The following GPHN variants were observed in gnomAD, a reference collection of about 807,000 sequenced individuals.
The protein encoded by GPHN is gephyrin.
Under a neutral mutation model 95.5 loss-of-function variants are expected in GPHN, and 17 were observed. The ratio of observed to expected loss-of-function variants is 0.18; its 90% CI spans 0.12 to 0.27. The LOEUF (loss-of-function observed/expected upper bound fraction) is 0.27, where lower values mean the gene tolerates loss of function less well. Among genes scored for constraint, GPHN ranks in the 10% least tolerant of loss-of-function variants. GPHN has a pLI of 1.00. For missense variants in GPHN, 660 were observed against 978.1 expected, an observed-to-expected ratio of 0.67 and a Z score of 4.34; for synonymous variants, 320 against 322.5, an observed-to-expected ratio of 0.99 and a Z score of 0.08.
intron 2 of GPHN, among the ~76,000 whole-genome samples, chr14:66,733,583 T>TC (rs1248616576): frequency 6.6e-6 from 1 of 152,208 alleles, no homozygotes; most frequent in African/African-American, 2.4e-5. Context: ...GATCTACTGA[T>TC]TATCCACTTT....
At chr14:66,543,919 T>G (rs1282285154) in intron 1 of GPHN, among the ~76,000 whole-genome samples, 1 of 152,176 alleles carries the variant, frequency 6.6e-6, no homozygotes, top group Non-Finnish European at 1.5e-5. Flanking sequence ...GCCTGAGTGA[T>G]CCCTTCAAAA....
At chr14:67,575,364 A>G in the GPHN span, 1 of 1,424,166 alleles carries the variant, frequency 7.0e-7, no homozygotes, top group Non-Finnish European at 9.8e-7. Flanking sequence ...CCTAGTTCTC[A>G]TAATGCCAGT....
chr14:67,164,825 C>T (rs955946140), intron 19 of GPHN, among the ~76,000 whole-genome samples: 8 of 151,274 alleles, frequency 5.3e-5, no homozygotes, highest in Non-Finnish European at 8.8e-5. Context: ...TGTTGTAAAT[C>T]GCCAGCAAAA....
At chr14:67,143,726 A>G (rs1446192243) in intron 18 of GPHN, among the ~76,000 whole-genome samples, 1 of 152,096 alleles carries the variant, frequency 6.6e-6, no homozygotes, top group Non-Finnish European at 1.5e-5. Context: ...CTATTTTACT[A>G]CATTAGGACA....
the GPHN span, among the ~76,000 whole-genome samples, chr14:67,316,068 C>G: frequency 6.6e-6 from 1 of 152,156 alleles, no homozygotes; most frequent in Non-Finnish European, 1.5e-5. Flanking sequence ...TTAAGAATCT[C>G]TGGCTTTACA....
At chr14:67,014,725 T>G (rs1320279116) in intron 9 of GPHN, among the ~76,000 whole-genome samples, 3 of 152,346 alleles carry the variant, frequency 2.0e-5, no homozygotes, top group African/African-American at 7.2e-5. Context: ...AATCAGTTAT[T>G]CATCTTAAGA....
chr14:66,957,385 G>C (rs2068594126), intron 8 of GPHN, among the ~76,000 whole-genome samples: 1 of 151,536 alleles, frequency 6.6e-6, no homozygotes, highest in African/African-American at 2.4e-5. Context: ...TAGTAGAGAT[G>C]GGGTTTTGCC....
chr14:67,657,767 T>C, the GPHN span, among the ~76,000 whole-genome samples: 4 of 7,796 alleles, frequency 5.1e-4, no homozygotes, highest in Non-Finnish European at 0.025. Context: ...TTTTTTTTTT[T>C]TGAGACAGTC....
chr14:67,118,113 G>T (rs184095308), intron 16 of GPHN, among the ~76,000 whole-genome samples: 1,829 of 152,260 alleles, frequency 0.012, 18 homozygotes, highest in Non-Finnish European at 0.018. Context: ...GTTCTTACCT[G>T]GGACCTCTAT....
chr14:67,312,682 TAATC>T, the GPHN span: 3 of 1,610,926 alleles, frequency 1.9e-6, no homozygotes, highest in African/African-American at 1.3e-5. Flanking sequence ...GGGACGAAGA[TAATC>T]AACCTCTAGC....
the GPHN span, among the ~76,000 whole-genome samples, chr14:67,298,061 G>A: frequency 6.6e-6 from 1 of 152,102 alleles, no homozygotes; most frequent in Non-Finnish European, 1.5e-5. Context: ...AAAGGTTAAG[G>A]CATAAGGAAT....
intron 1 of GPHN, among the ~76,000 whole-genome samples, chr14:66,569,427 C>A (rs1339008799): frequency 6.6e-6 from 1 of 152,094 alleles, no homozygotes; most frequent in Non-Finnish European, 1.5e-5. Flanking sequence ...CTTTGGGAGG[C>A]GGAGGCAGGC....
chr14:67,724,504 A>G, the GPHN span: 1 of 1,612,980 alleles, frequency 6.2e-7, no homozygotes, highest in Admixed American at 1.7e-5. Flanking sequence ...GTGTAGAACA[A>G]ATGTGCAGCT....
chr14:67,469,727 C>T, the GPHN span, among the ~76,000 whole-genome samples: 1 of 152,092 alleles, frequency 6.6e-6, no homozygotes, highest in Admixed American at 6.5e-5. Context: ...GAGATTACTC[C>T]CTCCAAATGC....
chr14:66,595,264 A>G (rs2061925413), intron 1 of GPHN, among the ~76,000 whole-genome samples: 2 of 152,212 alleles, frequency 1.3e-5, no homozygotes. Flanking sequence ...TAAGAAGTAG[A>G]ACTATCATGT....
intron 1 of GPHN, among the ~76,000 whole-genome samples, chr14:66,548,536 A>T (rs1295981395): frequency 6.6e-6 from 1 of 152,210 alleles, no homozygotes; most frequent in East Asian, 1.9e-4. Flanking sequence ...TATGGTGAAC[A>T]TAATATGTGA....
intron 12 of GPHN, 107 bp downstream of exon 12, chr14:67,089,182 A>T: frequency 1.7e-6 from 1 of 586,044 alleles, no homozygotes. Context: ...TAGCCCAAGC[A>T]CCCAGCAACT....
chr14:67,690,274 G>A, the GPHN span: 2 of 1,614,134 alleles, frequency 1.2e-6, no homozygotes, highest in Non-Finnish European at 1.7e-6. Context: ...GTGACAGTAG[G>A]CCAGGCCTGC....
At chr14:67,106,503 C>A (rs1480273461) in intron 13 of GPHN, among the ~76,000 whole-genome samples, 2 of 152,002 alleles carry the variant, frequency 1.3e-5, no homozygotes, top group Admixed American at 1.3e-4. Flanking sequence ...TCTTCTGTTT[C>A]TCTCTGTCTC....
Sources: allele counts gnomAD v4.1 joint callset (sites outside exome capture counted in the v4.1 genomes callset), GRCh38; gene constraint gnomAD v4.1.1; transcripts MANE v1.5; gene names NCBI Gene and HGNC (gene_info 2026-07-23, HGNC 2026-07-21).